Variants in DIP2B observed in about 807,000 individuals in gnomAD.
The protein encoded by DIP2B is disco-interacting protein 2 homolog B.
DIP2B carries 76 observed loss-of-function variants against 198.0 expected under a neutral mutation model. The observed-to-expected ratio is 0.38, with a 90% CI of 0.32 to 0.46. The LOEUF is 0.46. Among genes scored for constraint, DIP2B ranks in the 20% least tolerant of loss-of-function variants. The probability of loss-of-function intolerance (pLI) is 0.99; values close to 1 mark genes in which losing one functional copy is unlikely to be tolerated. For missense variants in DIP2B, 1,559 were observed against 1,978.4 expected (o/e 0.79, Z 4.02); for synonymous variants, 701 against 739.1 (o/e 0.95, Z 0.84).
intron 1 of DIP2B, among the ~76,000 whole-genome samples, chr12:50,609,334 C>A (rs1959011718): frequency 1.3e-5 from 2 of 152,174 alleles, no homozygotes; most frequent in South Asian, 4.1e-4. Context: ...ATTTGTTGGA[C>A]AATGGGTTTA....
intron 1 of DIP2B, among the ~76,000 whole-genome samples, chr12:50,603,285 T>G (rs1236882215): frequency 2.0e-5 from 3 of 152,022 alleles, no homozygotes; most frequent in Non-Finnish European, 4.4e-5. Context: ...AAGCAAAGAA[T>G]ATAGTGTTGC....
intron 1 of DIP2B, among the ~76,000 whole-genome samples, chr12:50,545,825 C>T (rs1441172429): frequency 6.6e-6 from 1 of 151,598 alleles, no homozygotes; most frequent in East Asian, 1.9e-4. Flanking sequence ...TTAGTAGAGG[C>T]GGGGTTTCAC....
intron 25 of DIP2B, among the ~76,000 whole-genome samples, chr12:50,720,058 G>A (rs1939806571): frequency 6.6e-6 from 1 of 151,120 alleles, no homozygotes; most frequent in African/African-American, 2.4e-5. Flanking sequence ...AGCGTCCCGA[G>A]TAGCTGGGAT....
chr12:50,529,924 C>T (rs1244784329), intron 1 of DIP2B, among the ~76,000 whole-genome samples: 1 of 152,076 alleles, frequency 6.6e-6, no homozygotes, highest in Non-Finnish European at 1.5e-5. Context: ...CTTAGAATAT[C>T]CATTAAATTG....
At chr12:50,519,046 A>G (rs1958091787) in intron 1 of DIP2B, among the ~76,000 whole-genome samples, 1 of 151,448 alleles carries the variant, frequency 6.6e-6, no homozygotes, top group African/African-American at 2.4e-5. Context: ...ATCTGGCCAC[A>G]GCTTCTGCGT....
In DIP2B at chr12:50,647,053, G is replaced by C. The variant is rs554715862; in HGVS notation, c.301+6201G>C. On this transcript the variant is annotated intron_variant, in intron 3 of 37. Coordinates refer to ENST00000301180, the MANE Select transcript of DIP2B (RefSeq NM_173602.3). ...TGTTTTTCTTGTTTGTCTTTTTTTG[G>C]GGGGAGGGGGGTGGGGGACGCTGTG... Among the ~76,000 whole-genome samples, 281 of 127,832 alleles carry C rather than the reference G, an allele frequency of 2.2e-3. 2 individuals carry two copies. Among genetic ancestry groups the C allele is most frequent in the African/African-American group, 7.9e-3 (275 of 34,752 alleles). The allele number at this position is 127,832 out of a possible 152,430, so 83.9% of individuals were successfully genotyped here.
intron 34 of DIP2B, among the ~76,000 whole-genome samples, chr12:50,735,687 A>T (rs975979851): frequency 5.3e-5 from 8 of 150,720 alleles, no homozygotes; most frequent in Admixed American, 2.0e-4. Flanking sequence ...CTGGTCTTGA[A>T]CTCCTGACAT....
chr12:50,589,984 TTCTC>T (rs138570603), intron 1 of DIP2B, among the ~76,000 whole-genome samples: 1 of 150,568 alleles, frequency 6.6e-6, no homozygotes, highest in Non-Finnish European at 1.5e-5. Flanking sequence ...CATTTCCTGT[TTCTC>T]TCTCTCTCTC....
chr12:50,535,721 A>G (rs1032830099), intron 1 of DIP2B, among the ~76,000 whole-genome samples: 2 of 151,328 alleles, frequency 1.3e-5, no homozygotes, highest in Non-Finnish European at 2.9e-5. Context: ...ATTATACTTT[A>G]AGTTTTAGGG....
intron 7 of DIP2B, among the ~76,000 whole-genome samples, chr12:50,676,253 G>T (rs1408113188): frequency 2.0e-5 from 3 of 152,226 alleles, no homozygotes; most frequent in Non-Finnish European, 4.4e-5. Flanking sequence ...AAAAGCTTTT[G>T]TTGAAAGAGC....
At chr12:50,650,784 T>C (rs1430452685) in intron 3 of DIP2B, among the ~76,000 whole-genome samples, 2 of 152,224 alleles carry the variant, frequency 1.3e-5, no homozygotes, top group Non-Finnish European at 2.9e-5. Flanking sequence ...TACAAATATC[T>C]CTTTGAGATC....
At chr12:50,508,409 AT>A (rs1410711133) in intron 1 of DIP2B, among the ~76,000 whole-genome samples, 2 of 152,202 alleles carry the variant, frequency 1.3e-5, no homozygotes, top group Non-Finnish European at 2.9e-5. Context: ...GGGAGAATTA[AT>A]TTGCTTAAAT....
At chr12:50,645,206 C>G (rs970383480) in intron 3 of DIP2B, among the ~76,000 whole-genome samples, 1 of 152,052 alleles carries the variant, frequency 6.6e-6, no homozygotes, top group African/African-American at 2.4e-5. Flanking sequence ...AAAGTAATAG[C>G]CCAACAGTTT....
At chr12:50,702,734 TAAAAA>T (rs35373628) in intron 19 of DIP2B, among the ~76,000 whole-genome samples, 4 of 40,612 alleles carry the variant, frequency 9.8e-5, no homozygotes, top group Non-Finnish European at 1.5e-4. Flanking sequence ...CCTCATCTCT[TAAAAA>T]AAAAAAAAAA....
At chr12:50,627,523 C>T (rs1424592962) in intron 2 of DIP2B, among the ~76,000 whole-genome samples, 5 of 152,102 alleles carry the variant, frequency 3.3e-5, no homozygotes, top group East Asian at 1.9e-4. Flanking sequence ...GAGTTGGGGT[C>T]TCACTTTATT....
chr12:50,735,841 C>CTT (rs1174183483), intron 34 of DIP2B, among the ~76,000 whole-genome samples: 1 of 152,106 alleles, frequency 6.6e-6, no homozygotes, highest in Non-Finnish European at 1.5e-5. Flanking sequence ...TCAGGGAAGA[C>CTT]ACACATGCAT....
chr12:50,576,761 G>A (rs1256787616), intron 1 of DIP2B, among the ~76,000 whole-genome samples: 2 of 152,176 alleles, frequency 1.3e-5, no homozygotes, highest in South Asian at 2.1e-4. Flanking sequence ...GATTACAGGC[G>A]TGAGCTACCG....
chr12:50,587,207 T>G (rs1023187085), intron 1 of DIP2B, among the ~76,000 whole-genome samples: 28 of 152,298 alleles, frequency 1.8e-4, no homozygotes, highest in Admixed American at 1.2e-3. Context: ...CACTGCAGTT[T>G]GAAGTGTATA....
intron 1 of DIP2B, among the ~76,000 whole-genome samples, chr12:50,508,226 A>G (rs978817884): frequency 6.6e-6 from 1 of 152,240 alleles, no homozygotes; most frequent in Non-Finnish European, 1.5e-5. Flanking sequence ...CTGAATTTCC[A>G]CATAAGGATG....
Sources: gnomAD v4.1 joint callset for allele counts (sites outside exome capture counted in the v4.1 genomes callset) on GRCh38, gnomAD v4.1.1 for gene constraint, MANE v1.5 for transcripts, NCBI Gene and HGNC (gene_info 2026-07-23, HGNC 2026-07-21) for gene names.